PPFIBP1: variants seen among roughly 807,000 people sequenced by gnomAD.
The protein encoded by PPFIBP1 is PPFIB scaffold protein 1.
Under a neutral mutation model 137.8 loss-of-function variants are expected in PPFIBP1, and 112 were observed. That is an observed-to-expected ratio of 0.81 (90% CI 0.70 to 0.95). PPFIBP1 has a LOEUF of 0.95. Ranked by LOEUF, PPFIBP1 falls within the 40% of genes least tolerant of loss-of-function variation. PPFIBP1 has a pLI of 0.00. For missense variants in PPFIBP1, 1,083 were observed against 1,196.6 expected (o/e 0.91, Z 1.40); for synonymous variants, 378 against 417.3 (o/e 0.91, Z 1.15).
At chr12:27,674,733 A>G (rs1251574677) in intron 17 of PPFIBP1, among the ~76,000 whole-genome samples, 1 of 150,058 alleles carries the variant, frequency 6.7e-6, no homozygotes, top group South Asian at 2.1e-4. Flanking sequence ...TAGATTATAC[A>G]CCCGGTGCCC....
chr12:27,608,712 G>A (rs1041876447), intron 2 of PPFIBP1: 4 of 385,840 alleles, frequency 1.0e-5, no homozygotes, highest in Non-Finnish European at 1.9e-5. Flanking sequence ...CAGGGACACC[G>A]ATAAAACATA....
At chr12:27,675,281 A>G (rs1281944069) in intron 17 of PPFIBP1, among the ~76,000 whole-genome samples, 2 of 152,206 alleles carry the variant, frequency 1.3e-5, no homozygotes, top group East Asian at 3.8e-4. Context: ...GGTGACAGCT[A>G]TAATTAAAAT....
intron 1 of PPFIBP1, among the ~76,000 whole-genome samples, chr12:27,545,656 C>T (rs1946159005): frequency 6.6e-6 from 1 of 152,196 alleles, no homozygotes; most frequent in South Asian, 2.1e-4. Context: ...ATAGAAATCT[C>T]CATGTGATCT....
chr12:27,595,811 G>A (rs2053154152), intron 2 of PPFIBP1, among the ~76,000 whole-genome samples: 1 of 150,416 alleles, frequency 6.6e-6, no homozygotes, highest in African/African-American at 2.5e-5. Context: ...CGGAGATAGC[G>A]CCATTGCACT....
intron 1 of PPFIBP1, among the ~76,000 whole-genome samples, chr12:27,568,583 T>C (rs77633162): frequency 0.017 from 2,647 of 152,314 alleles, 75 homozygotes; most frequent in African/African-American, 0.06. Flanking sequence ...CACGGAGTGC[T>C]TGTGGGTGTA....
At chr12:27,553,633 A>G (rs913369133) in intron 1 of PPFIBP1, among the ~76,000 whole-genome samples, 2 of 152,212 alleles carry the variant, frequency 1.3e-5, no homozygotes, top group African/African-American at 4.8e-5. Context: ...GATAAGGAAA[A>G]GACCCCCAAG....
chr12:27,659,014 A>C (rs1186373528), intron 10 of PPFIBP1, among the ~76,000 whole-genome samples, 166 bp downstream of exon 10: 1 of 152,214 alleles, frequency 6.6e-6, no homozygotes, highest in African/African-American at 2.4e-5. Context: ...TGGATAATAA[A>C]ACAATAAGGT....
At chr12:27,596,430 C>T (rs1592727537) in intron 2 of PPFIBP1, among the ~76,000 whole-genome samples, 1 of 152,214 alleles carries the variant, frequency 6.6e-6, no homozygotes, top group Non-Finnish European at 1.5e-5. Flanking sequence ...CTGCCCACAA[C>T]TTCCCTGAGT....
intron 6 of PPFIBP1, among the ~76,000 whole-genome samples, chr12:27,648,320 A>C (rs997814622): frequency 6.6e-6 from 1 of 152,196 alleles, no homozygotes; most frequent in African/African-American, 2.4e-5. Context: ...CCCAGCTAAA[A>C]TGGCTTTTAT....
chr12:27,625,650 C>A (rs2056757041), intron 2 of PPFIBP1, among the ~76,000 whole-genome samples: 1 of 147,854 alleles, frequency 6.8e-6, no homozygotes, highest in Non-Finnish European at 1.5e-5. Context: ...GCACTCCAAT[C>A]TCAGCCCACT....
intron 23 of PPFIBP1, 23 bp from the exon 24 acceptor site, chr12:27,682,592 C>T (rs749550357): frequency 1.9e-6 from 3 of 1,613,354 alleles, no homozygotes; most frequent in Non-Finnish European, 2.5e-6. Flanking sequence ...GGCATGGTAG[C>T]AACACTGGCC....
chr12:27,584,275 A>G (rs370297430), intron 2 of PPFIBP1: 2 of 152,412 alleles, frequency 1.3e-5, no homozygotes, highest in East Asian at 3.9e-4. Context: ...GCGCTTCCAC[A>G]CTGTGCTTGG....
intron 10 of PPFIBP1, among the ~76,000 whole-genome samples, chr12:27,660,337 G>C (rs2059464150): frequency 6.6e-6 from 1 of 152,106 alleles, no homozygotes; most frequent in Admixed American, 6.6e-5. Context: ...GGTAGTATTG[G>C]AAATGAAGTT....
In PPFIBP1 at chr12:27,682,483, T is replaced by G; in HGVS notation, c.2143T>G (p.Phe715Val). ...AGAAACCAATCATGGGAAGCTGGAT[T>G]TCAACTGGGTCACTAGTAAGAAGTT... ...EEETNHGKLD[F>V]NWVTRWLDDI... The change falls in exon 23 of 30, where the codon TTC (phenylalanine) becomes GTC (valine). Residue 715 changes from phenylalanine (F) to valine (V), a missense_variant. Transcript: ENST00000228425. 6.2e-7 allele frequency: 1 copy of G among 1,613,558 alleles called. No homozygotes were observed. The highest frequency in any genetic ancestry group is 8.5e-7 in the Non-Finnish European group (1 of 1,179,482).
rs1185665516 is a variant in PPFIBP1, at chr12:27,676,456, T to C, written c.1439T>C (p.Phe480Ser). 6 of 1,566,162 alleles carry C rather than the reference T, an allele frequency of 3.8e-6. No homozygotes were observed. Among genetic ancestry groups the C allele is most frequent in the East Asian group, 2.3e-5 (1 of 43,588 alleles). ...EDRAPAESRP[F>S]GTLPPRPPGQ... ...AGAGCTCCGGCAGAAAGCAGGCCAT[T>C]TGGGACCCTTCCTCCCAGGCCCCCA... is the stretch of plus-strand genomic sequence containing the variant. Residue 480 changes from phenylalanine (F) to serine (S), a missense_variant, in exon 18 of 30, where the codon TTT (phenylalanine) becomes TCT (serine). Phe to Ser is a radical substitution (Grantham distance 155). Transcript: ENST00000228425.
rs141355753 is a variant in PPFIBP1 at position 27,674,519 on chromosome 12, G to A, written c.1410+298G>A. 1.1e-3 allele frequency among the ~76,000 whole-genome samples: 168 copies of A among 152,328 alleles called. 6 individuals are homozygous for A. In the East Asian group the frequency reaches 0.027, roughly 24 times the overall value. ...GAATGATGGAAATGTTTTGGAAGCA[G>A]GTAGAGGTGGTGGTTGCACAACATC... On this transcript the variant is annotated intron_variant, in intron 17 of 29. Transcript: ENST00000228425.
chr12:27,649,820 G>A (rs1471650035), intron 6 of PPFIBP1, among the ~76,000 whole-genome samples, 190 bp from the exon 7 acceptor site: 3 of 152,166 alleles, frequency 2.0e-5, no homozygotes, highest in Non-Finnish European at 4.4e-5. Flanking sequence ...CCAAAGTGCT[G>A]GGATTACAGG....
At chr12:27,528,566 C>T (rs1259232640) in intron 1 of PPFIBP1, among the ~76,000 whole-genome samples, 2 of 152,034 alleles carry the variant, frequency 1.3e-5, no homozygotes, top group African/African-American at 4.8e-5. Flanking sequence ...ATTATTCCAC[C>T]CTACAAAATA....
Position 27,679,650 on chromosome 12 carries a change from C to A in PPFIBP1, c.1766+11C>A. The stretch of plus-strand genomic sequence containing the variant: ...GAAACTCTTTGGAAAGTAAGTAAAG[C>A]AGTAAACAAGTGGAATGGGCCCTGT... On this transcript the variant is annotated intron_variant, in intron 20 of 29. Coordinates refer to ENST00000228425, the MANE Select transcript of PPFIBP1 (RefSeq NM_003622.4). 1 of 1,612,666 alleles carries A rather than the reference C, an allele frequency of 6.2e-7. No homozygotes were observed.
Sources: allele counts gnomAD v4.1 joint callset (sites outside exome capture counted in the v4.1 genomes callset), GRCh38; gene constraint gnomAD v4.1.1; transcripts MANE v1.5; gene names NCBI Gene and HGNC (gene_info 2026-07-23, HGNC 2026-07-21).